The following ENAH variants were observed in gnomAD, a reference collection of about 807,000 sequenced individuals.
ENAH encodes the protein protein enabled homolog.
A neutral mutation model predicts 78.7 loss-of-function variants in ENAH; 23 were observed. The observed-to-expected ratio is 0.29, with a 90% CI of 0.21 to 0.41. The LOEUF (loss-of-function observed/expected upper bound fraction) is 0.41. ENAH is among the 10% of genes least tolerant of loss of function. The pLI is 1.00. For missense variants in ENAH, 544 were observed against 691.0 expected (o/e 0.79, Z 2.39); for synonymous variants, 226 against 241.0 (o/e 0.94, Z 0.58).
chr1:225,573,898 G>C (rs1009967186), intron 1 of ENAH, among the ~76,000 whole-genome samples: 1 of 152,094 alleles, frequency 6.6e-6, no homozygotes, highest in African/African-American at 2.4e-5. Context: ...ATCCCTTCTT[G>C]AATCCCCTAT....
At chr1:225,610,174 T>C (rs1263439068) in intron 1 of ENAH, among the ~76,000 whole-genome samples, 1 of 151,008 alleles carries the variant, frequency 6.6e-6, no homozygotes, top group African/African-American at 2.4e-5. Context: ...AAAAAAAAAC[T>C]AGCATTGCCT....
At chr1:225,586,283 G>A (rs924513393) in intron 1 of ENAH, among the ~76,000 whole-genome samples, 6 of 147,520 alleles carry the variant, frequency 4.1e-5, no homozygotes, top group Non-Finnish European at 7.5e-5. Flanking sequence ...AGAAGGAGGG[G>A]GAAGAAAAGA....
At chr1:225,585,763 T>G (rs1338576302) in intron 1 of ENAH, among the ~76,000 whole-genome samples, 1 of 151,826 alleles carries the variant, frequency 6.6e-6, no homozygotes, top group Non-Finnish European at 1.5e-5. Flanking sequence ...CACTCCAGCC[T>G]AGGAGACAGA....
chr1:225,543,777 T>A (rs1336544974), intron 3 of ENAH, among the ~76,000 whole-genome samples: 3 of 152,230 alleles, frequency 2.0e-5, no homozygotes, highest in Non-Finnish European at 4.4e-5. Flanking sequence ...CCCTTAGGAA[T>A]TTTTTATGTA....
Position 225,499,447 on chromosome 1 carries a change from A to G in ENAH, c.1618-1043T>C, listed in dbSNP as rs2096269601. ...AGCACTTTGGGAGGCCAAGGCAGGC[A>G]GATCACTTGAGGCTGGGAATTTGAG... On this transcript the variant is annotated intron_variant, in intron 12 of 13. Coordinates refer to ENST00000366843, the MANE Select transcript of ENAH (RefSeq NM_018212.6). Among the ~76,000 whole-genome samples, 3 of 152,290 alleles carry G rather than the reference A, an allele frequency of 2.0e-5. No homozygotes were observed. In the South Asian group the frequency reaches 6.2e-4, roughly 32 times the overall value.
At chr1:225,585,857 T>C (rs2096843457) in intron 1 of ENAH, among the ~76,000 whole-genome samples, 1 of 151,996 alleles carries the variant, frequency 6.6e-6, no homozygotes. Flanking sequence ...ATGGGAAATT[T>C]ATAGTTGTGA....
At chr1:225,623,775 G>C (rs187957484) in intron 1 of ENAH, among the ~76,000 whole-genome samples, 71 of 152,176 alleles carry the variant, frequency 4.7e-4, no homozygotes, top group African/African-American at 9.4e-4. Flanking sequence ...ATTTTTAGTA[G>C]AGATGTGGTT....
At chr1:225,617,512 A>AT (rs559547225) in intron 1 of ENAH, among the ~76,000 whole-genome samples, 125 of 152,332 alleles carry the variant, frequency 8.2e-4, no homozygotes, top group African/African-American at 2.9e-3. Context: ...GCAGGTTCTT[A>AT]TATCTGTGGT....
At chr1:225,597,001 G>C (rs1252742587) in intron 1 of ENAH, among the ~76,000 whole-genome samples, 1 of 152,124 alleles carries the variant, frequency 6.6e-6, no homozygotes, top group African/African-American at 2.4e-5. Context: ...TGAGATCTAG[G>C]ATAGAAGACT....
At chr1:225,640,968 T>A (rs1660932814) in intron 1 of ENAH, among the ~76,000 whole-genome samples, 1 of 148,718 alleles carries the variant, frequency 6.7e-6, no homozygotes, top group Admixed American at 6.9e-5. Flanking sequence ...CGATCTCGGC[T>A]CACTGCAAGC....
At chr1:225,643,435 T>C (rs968745486) in intron 1 of ENAH, among the ~76,000 whole-genome samples, 7 of 152,202 alleles carry the variant, frequency 4.6e-5, no homozygotes, top group Non-Finnish European at 1.5e-5. Context: ...TTCTTGATTT[T>C]ACTTCTAGGA....
intron 3 of ENAH, among the ~76,000 whole-genome samples, chr1:225,540,696 T>TAAA (rs34233856): frequency 7.2e-6 from 1 of 139,680 alleles, no homozygotes; most frequent in African/African-American, 2.6e-5. Flanking sequence ...AACGTTTATT[T>TAAA]AAAAAAAAAA....
chr1:225,630,534 C>T (rs1658826459), intron 1 of ENAH, among the ~76,000 whole-genome samples: 1 of 152,162 alleles, frequency 6.6e-6, no homozygotes, highest in African/African-American at 2.4e-5. Context: ...AGGAGATGAA[C>T]AGTTGATATT....
chr1:225,628,600 G>A (rs1019792169), intron 1 of ENAH, among the ~76,000 whole-genome samples: 7 of 152,016 alleles, frequency 4.6e-5, no homozygotes, highest in African/African-American at 1.7e-4. Flanking sequence ...AATAAAAGAA[G>A]AACATTTTTT....
In ENAH at chr1:225,517,922, C is replaced by T. The variant is rs2096434566; in HGVS notation, c.803-616G>A. 3.2e-6 allele frequency: 5 copies of T among 1,550,194 alleles called. No homozygotes were observed. In the East Asian group the frequency reaches 1.2e-4, roughly 38 times the overall value. Reference sequence around the variant, plus strand: ...ACTTTAGCGTATGATGGAGGAGGTGCTGAAGGAGGCTGGCAACTGGAATAC... The same window carrying T: ...ACTTTAGCGTATGATGGAGGAGGTGTTGAAGGAGGCTGGCAACTGGAATAC... On this transcript the variant is annotated intron_variant, in intron 5 of 13. Coordinates refer to ENST00000366843, the MANE Select transcript of ENAH (RefSeq NM_018212.6).
At chr1:225,581,019 T>C (rs1213147890) in intron 1 of ENAH, among the ~76,000 whole-genome samples, 3 of 135,472 alleles carry the variant, frequency 2.2e-5, no homozygotes, top group South Asian at 2.5e-4. Context: ...TGGCCACCCA[T>C]CTTTTTTTAA....
intron 2 of ENAH, 76 bp downstream of exon 2, chr1:225,567,173 A>G: frequency 1.3e-6 from 2 of 1,497,248 alleles, no homozygotes; most frequent in Non-Finnish European, 1.8e-6. Flanking sequence ...TTTTAAAACT[A>G]CTTTATTTTA....
At chr1:225,601,575 G>T (rs1288495615) in intron 1 of ENAH, among the ~76,000 whole-genome samples, 2 of 148,976 alleles carry the variant, frequency 1.3e-5, no homozygotes, top group Non-Finnish European at 3.0e-5. Flanking sequence ...TATTAAAAAA[G>T]AAAGTCCTAA....
rs1334742703 is a variant in ENAH at position 225,490,966 on chromosome 1, T to C, written c.*6809A>G. On this transcript the variant is annotated 3_prime_UTR_variant, in exon 14 of 14. Coordinates refer to ENST00000366843, the MANE Select transcript of ENAH (RefSeq NM_018212.6). ...CAATCAAATGGGGTTTGTGAATCCATGGTTAAGCTAGCCTGCCACCAAGGA... is the reference window on the plus strand; with the variant it reads ...CAATCAAATGGGGTTTGTGAATCCACGGTTAAGCTAGCCTGCCACCAAGGA... 3 of 152,182 alleles carry C rather than the reference T, an allele frequency of 2.0e-5. No homozygotes were observed. Among genetic ancestry groups the C allele is most frequent in the Non-Finnish European group, 4.4e-5 (3 of 68,056 alleles). The allele number at this position is 152,182 out of a possible 1,614,324, so 9.4% of individuals were successfully genotyped here. A position where few individuals can be genotyped will look rare whatever the true frequency, so the allele number is the denominator to read the frequency against.
Sources: allele counts gnomAD v4.1 joint callset (sites outside exome capture counted in the v4.1 genomes callset), GRCh38; gene constraint gnomAD v4.1.1; transcripts MANE v1.5; gene names NCBI Gene and HGNC (gene_info 2026-07-23, HGNC 2026-07-21).